Variants in ZBTB7C observed in about 807,000 individuals in gnomAD.
ZBTB7C encodes zinc finger and BTB domain containing 7C.
ZBTB7C carries 8 observed loss-of-function variants against 25.7 expected under a neutral mutation model. That is an observed-to-expected ratio of 0.31 (90% CI 0.18 to 0.56). ZBTB7C has a LOEUF of 0.56. Ranked by LOEUF, ZBTB7C falls within the 20% of genes least tolerant of loss-of-function variation. The probability of loss-of-function intolerance (pLI) is 0.91; values close to 1 mark genes in which losing one functional copy is unlikely to be tolerated. For synonymous variants in ZBTB7C, 394 were observed against 369.0 expected (o/e 1.07, Z -0.78); for missense variants, 824 against 855.2 (o/e 0.96, Z 0.46).
At chr18:48,085,596 C>T (rs1311400130) in intron 3 of ZBTB7C, among the ~76,000 whole-genome samples, 2 of 152,130 alleles carry the variant, frequency 1.3e-5, no homozygotes, top group African/African-American at 4.8e-5. Flanking sequence ...ATTCTACATC[C>T]TAGGGTTGTG....
At chr18:48,224,441 C>G (rs965388957) in intron 2 of ZBTB7C, among the ~76,000 whole-genome samples, 2 of 152,156 alleles carry the variant, frequency 1.3e-5, no homozygotes, top group African/African-American at 4.8e-5. Flanking sequence ...AATAGAGGCC[C>G]TTGAGGGGAG....
At chr18:48,182,309 G>T (rs2041947915) in intron 3 of ZBTB7C, among the ~76,000 whole-genome samples, 1 of 152,144 alleles carries the variant, frequency 6.6e-6, no homozygotes, top group African/African-American at 2.4e-5. Context: ...CTGAAAGAAG[G>T]GAGCTTGCTT....
chr18:48,103,352 A>C (rs893841810), intron 3 of ZBTB7C, among the ~76,000 whole-genome samples: 36 of 152,164 alleles, frequency 2.4e-4, no homozygotes, highest in Admixed American at 2.1e-3. Flanking sequence ...TTGAGAGAAA[A>C]GAAGGCTTAG....
At chr18:48,176,889 A>T (rs531536835) in intron 3 of ZBTB7C, among the ~76,000 whole-genome samples, 8 of 152,318 alleles carry the variant, frequency 5.3e-5, no homozygotes, top group African/African-American at 1.9e-4. Context: ...AAGAGTTCCT[A>T]ATCAAACCCA....
rs773365727 is a variant in ZBTB7C, at chr18:48,040,219, G to C, written c.889C>G (p.Leu297Val). The change falls in exon 4 of 5, where the codon CTG becomes GTG. Residue 297 changes from leucine to valine, a missense_variant. Physicochemically the swap from Leu to Val is conservative, Grantham distance 32 (BLOSUM62 1). Around this residue, in one of 4 missense-constraint regions of ZBTB7C, gnomAD observed 316 missense variants for 299.2 expected, o/e 1.06. Transcript: ENST00000590800. ...AAGGGTGGCGGTGGGGGTGGGGGCA[G>C]CTCCTCCTTCTCCTCCTCCTTGATC... is the stretch of plus-strand genomic sequence containing the variant. ...RKIKEEEKEE[L>V]PPPPPPPFPN... is the part of the protein sequence containing the mutation. 19 of 1,571,966 alleles carry C rather than the reference G, an allele frequency of 1.2e-5. No homozygotes were observed. The highest frequency in any genetic ancestry group is 3.6e-5 in the South Asian group (3 of 83,010).
chr18:48,315,841 G>A (rs2045935246), intron 2 of ZBTB7C, among the ~76,000 whole-genome samples: 1 of 152,148 alleles, frequency 6.6e-6, no homozygotes, highest in African/African-American at 2.4e-5. Flanking sequence ...TACCCCTAAA[G>A]CATAACTCAA....
chr18:48,067,837 A>G (rs2037387551), intron 3 of ZBTB7C, among the ~76,000 whole-genome samples: 1 of 152,172 alleles, frequency 6.6e-6, no homozygotes, highest in African/African-American at 2.4e-5. Flanking sequence ...CCCCGTCTCT[A>G]CTAAAAATAC....
chr18:48,380,972 C>A lies in ZBTB7C; in HGVS notation c.-304+28254G>T, dbSNP rs146425592. ...TTGGAGAGAAAAAGCAGGACATGTA[C>A]AGAGAATCAGGTATCAGAATAGTTC... On this transcript the variant is annotated intron_variant, in intron 1 of 4. Coordinates refer to ENST00000590800, the MANE Select transcript of ZBTB7C (RefSeq NM_001318841.2). Among the ~76,000 whole-genome samples the A allele has an allele frequency of 2.9e-3, 446 of 152,174 alleles. 3 individuals are homozygous for A. The highest frequency in any genetic ancestry group is 4.4e-3 in the Admixed American group (67 of 15,276).
chr18:48,180,134 TCCTTCCTTCCTTCTTTCCCTCCCTCCCTC>T, intron 3 of ZBTB7C, among the ~76,000 whole-genome samples: 2 of 133,138 alleles, frequency 1.5e-5, no homozygotes, highest in African/African-American at 5.7e-5. Context: ...CTTCCTTCCT[TCCTTCCTTCCTTCTTTCCCTCCCTCCCTC>T]CCTTCCTTCC....
At position 48,292,272 on chromosome 18, in the gene ZBTB7C, A is replaced by T. The variant is rs546701221; in HGVS notation, c.-79+45902T>A. ...TACATACATTATCAAGAATGTCCAT[A>T]ATTCCTCGTTAAAGCAAGTGCTATC... On this transcript the variant is annotated intron_variant, in intron 2 of 4. Transcript: ENST00000590800. 1.6e-4 allele frequency among the ~76,000 whole-genome samples: 25 copies of T among 152,258 alleles called. No homozygotes were observed. The South Asian group carries it at 5.2e-3, about 32-fold the overall frequency.
intron 3 of ZBTB7C, among the ~76,000 whole-genome samples, chr18:48,155,318 C>CCT (rs2040804607): frequency 1.3e-5 from 1 of 78,006 alleles, no homozygotes; most frequent in Non-Finnish European, 2.3e-5. Flanking sequence ...CTGTAATATT[C>CCT]TTTTTTTTTT....
At chr18:48,310,017 C>G (rs893860200) in intron 2 of ZBTB7C, among the ~76,000 whole-genome samples, 1 of 152,102 alleles carries the variant, frequency 6.6e-6, no homozygotes, top group African/African-American at 2.4e-5. Context: ...ATCACGGGGT[C>G]AGGAGATCAA....
chr18:48,113,587 C>T (rs1225831741), intron 3 of ZBTB7C, among the ~76,000 whole-genome samples: 2 of 152,236 alleles, frequency 1.3e-5, no homozygotes, highest in Admixed American at 1.3e-4. Flanking sequence ...ATTTTCATTC[C>T]ACTCCAAGTC....
At chr18:48,307,136 G>T (rs1376592129) in intron 2 of ZBTB7C, among the ~76,000 whole-genome samples, 1 of 152,172 alleles carries the variant, frequency 6.6e-6, no homozygotes, top group Non-Finnish European at 1.5e-5. Context: ...AGGCTGGGCT[G>T]CCTGCCTTAA....
At chr18:48,251,301 T>C (rs1222233392) in intron 2 of ZBTB7C, among the ~76,000 whole-genome samples, 1 of 152,178 alleles carries the variant, frequency 6.6e-6, no homozygotes, top group Admixed American at 6.5e-5. Flanking sequence ...GCATATAAAA[T>C]AGTTGATAGC....
chr18:48,183,414 G>A (rs932512839), intron 3 of ZBTB7C, among the ~76,000 whole-genome samples: 5 of 152,136 alleles, frequency 3.3e-5, no homozygotes, highest in African/African-American at 1.2e-4. Flanking sequence ...ATACCTTCTG[G>A]TACTTTTGAA....
At chr18:48,329,418 T>C (rs2046295596) in intron 2 of ZBTB7C, among the ~76,000 whole-genome samples, 2 of 152,170 alleles carry the variant, frequency 1.3e-5, no homozygotes, top group African/African-American at 4.8e-5. Flanking sequence ...AGCTAGGCGC[T>C]GCTGTTGCCC....
chr18:48,087,156 C>G (rs992047024), intron 3 of ZBTB7C, among the ~76,000 whole-genome samples: 1 of 152,150 alleles, frequency 6.6e-6, no homozygotes, highest in Non-Finnish European at 1.5e-5. Flanking sequence ...CCTTGGTTGC[C>G]TGCTATTGAG....
In ZBTB7C at chr18:48,324,246, C is replaced by G. The variant is rs577559638; in HGVS notation, c.-79+13928G>C. Among the ~76,000 whole-genome samples the G allele has an allele frequency of 5.9e-5, 9 of 152,256 alleles. No individual in the cohort carries two copies. In the South Asian group the frequency reaches 1.5e-3, roughly 25 times the overall value. ...CCAGCCCAGAGGGCCAGGGAATGGACCATCTAGCTGCCCTCTGATGGGTGA... is the reference window on the plus strand; with the variant it reads ...CCAGCCCAGAGGGCCAGGGAATGGAGCATCTAGCTGCCCTCTGATGGGTGA... On this transcript the variant is annotated intron_variant, in intron 2 of 4. Transcript: ENST00000590800.
Sources: allele counts gnomAD v4.1 joint callset (sites outside exome capture counted in the v4.1 genomes callset), GRCh38; gene constraint gnomAD v4.1.1; regional missense constraint gnomAD v4.1.1; transcripts MANE v1.5; gene names NCBI Gene and HGNC (gene_info 2026-07-23, HGNC 2026-07-21).